SEMA3E: variants seen among roughly 807,000 people sequenced by gnomAD.
The protein encoded by SEMA3E is semaphorin 3E.
SEMA3E carries 49 observed loss-of-function variants against 93.6 expected under a neutral mutation model. The ratio of observed to expected loss-of-function variants is 0.52; its 90% CI spans 0.42 to 0.66. The LOEUF is 0.66. SEMA3E is among the 30% of genes least tolerant of loss of function. SEMA3E has a pLI of 0.00. For synonymous variants in SEMA3E, 363 were observed against 330.7 expected (o/e 1.10, Z -1.06); for missense variants, 906 against 964.8 (o/e 0.94, Z 0.81).
chr7:83,443,062 G>A (rs988365041), intron 4 of SEMA3E, among the ~76,000 whole-genome samples: 1 of 152,136 alleles, frequency 6.6e-6, no homozygotes, highest in South Asian at 2.1e-4. Flanking sequence ...AATTTGAGCA[G>A]CTCTGTAATG....
At chr7:83,387,134 G>T (rs1035359984) in intron 14 of SEMA3E, 84 bp from the exon 15 acceptor site, 3 of 1,069,790 alleles carry the variant, frequency 2.8e-6, no homozygotes, top group Non-Finnish European at 4.2e-6. Flanking sequence ...TCATATACAA[G>T]TAGTATTCTG....
chr7:83,523,604 G>T (rs1242698661), intron 1 of SEMA3E, among the ~76,000 whole-genome samples: 1 of 151,896 alleles, frequency 6.6e-6, no homozygotes, highest in Non-Finnish European at 1.5e-5. Flanking sequence ...AATTCTGTCT[G>T]CTTTGGATTT....
intron 4 of SEMA3E, among the ~76,000 whole-genome samples, chr7:83,455,772 G>A (rs529025497): frequency 2.6e-5 from 4 of 152,336 alleles, no homozygotes; most frequent in South Asian, 2.1e-4. Context: ...TGACAGGGCC[G>A]CATGGCAAGG....
At chr7:83,444,802 C>T (rs1172562438) in intron 4 of SEMA3E, among the ~76,000 whole-genome samples, 1 of 151,872 alleles carries the variant, frequency 6.6e-6, no homozygotes, top group Non-Finnish European at 1.5e-5. Flanking sequence ...CCCAGAGCAG[C>T]CGGGACTACA....
At chr7:83,378,670 A>G (rs1787710162) in intron 16 of SEMA3E, among the ~76,000 whole-genome samples, 1 of 151,878 alleles carries the variant, frequency 6.6e-6, no homozygotes, top group Non-Finnish European at 1.5e-5. Context: ...ATTGTTTAAT[A>G]TATCTTATCC....
chr7:83,569,799 C>T (rs1792237721), intron 1 of SEMA3E, among the ~76,000 whole-genome samples: 1 of 152,126 alleles, frequency 6.6e-6, no homozygotes, highest in South Asian at 2.1e-4. Context: ...CCAGTGACAG[C>T]GTTAAACAGA....
intron 1 of SEMA3E, among the ~76,000 whole-genome samples, chr7:83,564,971 A>G (rs1245806267): frequency 1.3e-5 from 2 of 152,206 alleles, no homozygotes; most frequent in Non-Finnish European, 2.9e-5. Flanking sequence ...AGAAGAAAAG[A>G]GAGAAGAATC....
intron 1 of SEMA3E, among the ~76,000 whole-genome samples, chr7:83,608,420 C>A (rs1793172872): frequency 6.6e-6 from 1 of 151,946 alleles, no homozygotes; most frequent in Admixed American, 6.6e-5. Context: ...TATTCATAAT[C>A]CTACTACTCT....
intron 1 of SEMA3E, among the ~76,000 whole-genome samples, chr7:83,490,782 T>A (rs1790366989): frequency 6.6e-6 from 1 of 152,094 alleles, no homozygotes; most frequent in African/African-American, 2.4e-5. Flanking sequence ...TAGGGATCAC[T>A]GATAAAACTG....
At chr7:83,611,702 A>T (rs2115586510) in intron 1 of SEMA3E, among the ~76,000 whole-genome samples, 1 of 151,890 alleles carries the variant, frequency 6.6e-6, no homozygotes, top group African/African-American at 2.4e-5. Flanking sequence ...TTCTTCCTTC[A>T]TCAATATCAC....
At chr7:83,479,762 C>T (rs886134251) in intron 2 of SEMA3E, among the ~76,000 whole-genome samples, 3 of 152,128 alleles carry the variant, frequency 2.0e-5, no homozygotes, top group African/African-American at 7.2e-5. Context: ...CAGATGGGAG[C>T]CCTAACAATG....
At chr7:83,377,608 T>A (rs1787674088) in intron 16 of SEMA3E, among the ~76,000 whole-genome samples, 1 of 151,932 alleles carries the variant, frequency 6.6e-6, no homozygotes, top group Non-Finnish European at 1.5e-5. Context: ...GGGAACCTAC[T>A]TTTAAAAAAA....
intron 1 of SEMA3E, among the ~76,000 whole-genome samples, chr7:83,622,968 T>G (rs540294183): frequency 2.6e-5 from 4 of 152,214 alleles, no homozygotes; most frequent in African/African-American, 9.6e-5. Flanking sequence ...ATCCCGCACA[T>G]GTACCTTGGA....
At chr7:83,422,975 T>A in intron 4 of SEMA3E, among the ~76,000 whole-genome samples, 1 of 152,164 alleles carries the variant, frequency 6.6e-6, no homozygotes, top group East Asian at 1.9e-4. Flanking sequence ...GAAATCATAA[T>A]ATAGGTTCTT....
At chr7:83,446,892 C>T (rs1243799214) in intron 4 of SEMA3E, among the ~76,000 whole-genome samples, 1 of 152,076 alleles carries the variant, frequency 6.6e-6, no homozygotes, top group Non-Finnish European at 1.5e-5. Flanking sequence ...AAACAACTGG[C>T]ACAGGGTATG....
At chr7:83,511,851 G>A (rs1050550435) in intron 1 of SEMA3E, among the ~76,000 whole-genome samples, 8 of 152,084 alleles carry the variant, frequency 5.3e-5, no homozygotes, top group East Asian at 1.9e-4. Context: ...AGCCGAGACC[G>A]CGCCATTACA....
chr7:83,569,142 CAA>C (rs200678421), intron 1 of SEMA3E, among the ~76,000 whole-genome samples: 52 of 142,486 alleles, frequency 3.6e-4, no homozygotes, highest in African/African-American at 6.7e-4. Flanking sequence ...GCAATAGCTA[CAA>C]AAAAAAAAAA....
At chr7:83,596,653 T>A (rs2115966421) in intron 1 of SEMA3E, among the ~76,000 whole-genome samples, 1 of 152,184 alleles carries the variant, frequency 6.6e-6, no homozygotes, top group East Asian at 1.9e-4. Flanking sequence ...TTAGCAGATG[T>A]TGCTTACCAG....
intron 1 of SEMA3E, among the ~76,000 whole-genome samples, chr7:83,622,485 T>C (rs893026828): frequency 6.6e-6 from 1 of 152,172 alleles, no homozygotes; most frequent in Non-Finnish European, 1.5e-5. Flanking sequence ...ACTGGATATA[T>C]ACCCAAAGGA....
Sources: allele counts gnomAD v4.1 joint callset (sites outside exome capture counted in the v4.1 genomes callset), GRCh38; gene constraint gnomAD v4.1.1; transcripts MANE v1.5; gene names NCBI Gene and HGNC (gene_info 2026-07-23, HGNC 2026-07-21).